Variants in NR3C2 observed in about 807,000 individuals in gnomAD.
NR3C2 encodes the protein mineralocorticoid receptor.
In NR3C2, 15 loss-of-function variants were observed where a neutral mutation model predicts 86.4. That is an observed-to-expected ratio of 0.17 (90% CI 0.12 to 0.27). The LOEUF (loss-of-function observed/expected upper bound fraction) is 0.27, where lower values mean the gene tolerates loss of function less well. Ranked by LOEUF, NR3C2 falls within the 10% of genes least tolerant of loss-of-function variation. The pLI is 1.00. For missense variants in NR3C2, 960 were observed against 1,195.6 expected, an observed-to-expected ratio of 0.80 and a Z score of 2.91; for synonymous variants, 458 against 450.5, an observed-to-expected ratio of 1.02 and a Z score of -0.21.
At chr4:148,339,478 T>A (rs926958039) in intron 2 of NR3C2, among the ~76,000 whole-genome samples, 1 of 152,164 alleles carries the variant, frequency 6.6e-6, no homozygotes, top group Non-Finnish European at 1.5e-5. Context: ...AACAATCTTA[T>A]TGATGCTTTT....
chr4:148,080,827 C>T lies in NR3C2; in HGVS notation c.*517G>A. On this transcript the variant is annotated 3_prime_UTR_variant, in exon 9 of 9. Transcript: ENST00000358102. ...GCTCAGAGGCAGCTGCTGCCCCACG[C>T]CACGAGTTCTGTTATTACACAACAG... The T allele has an allele frequency of 2.3e-6, 1 of 425,552 alleles. No homozygotes were observed. Among genetic ancestry groups the T allele is most frequent in the Non-Finnish European group, 4.8e-6 (1 of 207,174 alleles). The allele number at this position is 425,552 out of a possible 1,614,324, so 26.4% of individuals were successfully genotyped here.
rs1358336752 is a variant in NR3C2 at position 148,078,852 on chromosome 4, T to C, written c.*2492A>G. ...TTGCATAAAGATATAAATTGCTTCA[T>C]TTTAAACTAATTTAGTGTTTCTTTA... On this transcript the variant is annotated 3_prime_UTR_variant, in exon 9 of 9. Transcript: ENST00000358102. The C allele has an allele frequency of 6.6e-6, 1 of 152,666 alleles. No homozygotes were observed. The highest frequency in any genetic ancestry group is 1.5e-5 in the Non-Finnish European group (1 of 68,042). 9.5% of individuals were successfully genotyped at this position (152,666 alleles called of 1,614,324 possible). A position where few individuals can be genotyped will look rare whatever the true frequency, so the allele number is the denominator to read the frequency against.
Position 148,436,335 on chromosome 4 carries a change from C to A in NR3C2, c.526G>T (p.Val176Phe). The A allele has an allele frequency of 2.5e-6, 4 of 1,614,152 alleles. No individual in the cohort carries two copies. Among genetic ancestry groups the A allele is most frequent in the Non-Finnish European group, 3.4e-6 (4 of 1,180,040 alleles). ...GGGCTTTTAACAACGGCGCGCATGA[C>A]GCCACCATTCACGGAGCTCCCAGAG... ...SDSGSSVNGG[V>F]MRAVVKSPIM... Residue 176 changes from valine to phenylalanine, a missense_variant, in exon 2 of 9, where the codon GTC (valine) becomes TTC (phenylalanine). This residue lies in a region of NR3C2 where 680 missense variants were observed against 719.0 expected (regional missense o/e 0.95). Transcript: ENST00000358102.
chr4:148,382,272 A>G (rs61763850), intron 2 of NR3C2, among the ~76,000 whole-genome samples: 17,812 of 152,242 alleles, frequency 0.12, 1,096 homozygotes, highest in Middle Eastern at 0.15. Flanking sequence ...TCATTCACTC[A>G]TTCAACATTT....
intron 2 of NR3C2, among the ~76,000 whole-genome samples, chr4:148,349,941 A>G (rs1387552235): frequency 1.3e-5 from 2 of 152,204 alleles, no homozygotes; most frequent in Non-Finnish European, 2.9e-5. Flanking sequence ...TAAACATAAA[A>G]TTCAGTAAAT....
intron 3 of NR3C2, among the ~76,000 whole-genome samples, chr4:148,197,920 T>A (rs1200372496): frequency 6.6e-6 from 1 of 152,132 alleles, no homozygotes; most frequent in Non-Finnish European, 1.5e-5. Context: ...CTCAGGGAAC[T>A]TTAGTCATCC....
intron 3 of NR3C2, among the ~76,000 whole-genome samples, chr4:148,248,854 T>A (rs1349218968): frequency 1.3e-5 from 2 of 152,212 alleles, no homozygotes; most frequent in Non-Finnish European, 2.9e-5. Context: ...AAAAACTCTT[T>A]AAAATATAAC....
intron 2 of NR3C2, among the ~76,000 whole-genome samples, chr4:148,425,870 T>A (rs2126622939): frequency 6.6e-6 from 1 of 152,266 alleles, no homozygotes; most frequent in Non-Finnish European, 1.5e-5. Flanking sequence ...ACTGTCTCCG[T>A]CTCAGTTTTC....
At chr4:148,152,855 G>A (rs758327823) in intron 5 of NR3C2, among the ~76,000 whole-genome samples, 3 of 152,158 alleles carry the variant, frequency 2.0e-5, no homozygotes, top group Non-Finnish European at 4.4e-5. Context: ...AACTAAAATT[G>A]CAAAGTTCAG....
intron 2 of NR3C2, among the ~76,000 whole-genome samples, chr4:148,279,369 C>A (rs1388723674): frequency 2.6e-5 from 4 of 152,038 alleles, no homozygotes; most frequent in Admixed American, 6.6e-5. Flanking sequence ...TGGTGGAGGA[C>A]AGAACACTAA....
intron 2 of NR3C2, among the ~76,000 whole-genome samples, chr4:148,344,259 C>G (rs2149984717): frequency 6.6e-6 from 1 of 152,108 alleles, no homozygotes; most frequent in Middle Eastern, 3.4e-3. Flanking sequence ...CAAATGTATT[C>G]CTTATATTCA....
At chr4:148,340,733 A>T (rs1744710446) in intron 2 of NR3C2, among the ~76,000 whole-genome samples, 2 of 152,154 alleles carry the variant, frequency 1.3e-5, no homozygotes, top group East Asian at 1.9e-4. Context: ...GAAACAAGGG[A>T]TTAATAATCA....
intron 2 of NR3C2, among the ~76,000 whole-genome samples, chr4:148,280,480 A>C (rs1438183221): frequency 1.3e-5 from 2 of 152,160 alleles, no homozygotes; most frequent in Non-Finnish European, 1.5e-5. Flanking sequence ...TAGCATATCA[A>C]GTATGTATTA....
intron 3 of NR3C2, among the ~76,000 whole-genome samples, chr4:148,249,220 C>G (rs1363432618): frequency 6.6e-6 from 1 of 151,842 alleles, no homozygotes; most frequent in East Asian, 1.9e-4. Context: ...AACTAAAGCC[C>G]TAGGTCTTCC....
At chr4:148,176,480 G>A (rs1735380671) in intron 4 of NR3C2, among the ~76,000 whole-genome samples, 1 of 152,166 alleles carries the variant, frequency 6.6e-6, no homozygotes, top group Non-Finnish European at 1.5e-5. Flanking sequence ...CCAATGTAGT[G>A]AGGGACACAG....
chr4:148,130,274 T>C lies in NR3C2; in HGVS notation c.2511-9986A>G, dbSNP rs150556389. Among the ~76,000 whole-genome samples the C allele has an allele frequency of 5.1e-3, 775 of 152,350 alleles. 8 individuals are homozygous for C. Among genetic ancestry groups the C allele is most frequent in the African/African-American group, 0.016 (655 of 41,592 alleles). ...ACGAACTCACATTTAATAAATGTAA[T>C]CCTTTCACATCAGCCGATTTTATAA... On this transcript the variant is annotated intron_variant, in intron 6 of 8. Transcript: ENST00000358102.
chr4:148,250,363 G>T (rs547167987), intron 3 of NR3C2, among the ~76,000 whole-genome samples: 2 of 152,118 alleles, frequency 1.3e-5, no homozygotes, highest in African/African-American at 4.8e-5. Context: ...ACTTCATATT[G>T]TGGCTTTATA....
At chr4:148,086,935 G>A (rs1730841341) in intron 8 of NR3C2, among the ~76,000 whole-genome samples, 1 of 152,122 alleles carries the variant, frequency 6.6e-6, no homozygotes, top group African/African-American at 2.4e-5. Flanking sequence ...GGGCAATCAG[G>A]CAAGAGAAAG....
chr4:148,114,065 T>C (rs751984829), intron 8 of NR3C2, 39 bp downstream of exon 8: 2 of 1,610,374 alleles, frequency 1.2e-6, no homozygotes, highest in African/African-American at 1.3e-5. Context: ...ATGTGGTTGC[T>C]GATCCTTCAC....
Sources: allele counts gnomAD v4.1 joint callset (sites outside exome capture counted in the v4.1 genomes callset), GRCh38; gene constraint gnomAD v4.1.1; regional missense constraint gnomAD v4.1.1; transcripts MANE v1.5; gene names NCBI Gene and HGNC (gene_info 2026-07-23, HGNC 2026-07-21).